Variants in ANO4 observed in about 807,000 individuals in gnomAD.
ANO4 encodes the protein anoctamin 4.
In ANO4, 69 loss-of-function variants were observed where a neutral mutation model predicts 141.9. The observed-to-expected ratio is 0.49, with a 90% confidence interval of 0.40 to 0.59. The LOEUF is 0.59. Ranked by LOEUF, ANO4 falls within the 20% of genes least tolerant of loss-of-function variation. The probability of loss-of-function intolerance (pLI) is 0.00; values close to 1 mark genes in which losing one functional copy is unlikely to be tolerated. For synonymous variants in ANO4, 350 were observed against 394.3 expected, an observed-to-expected ratio of 0.89 and a Z score of 1.33; for missense variants, 894 against 1,162.2, an observed-to-expected ratio of 0.77 and a Z score of 3.36.
intron 17 of ANO4, 25 bp downstream of exon 17, chr12:101,086,849 A>C (rs774968165): frequency 6.2e-7 from 1 of 1,607,684 alleles, no homozygotes; most frequent in African/African-American, 1.3e-5. Flanking sequence ...GTGGCTAGCC[A>C]AACGGATCAA....
intron 5 of ANO4, among the ~76,000 whole-genome samples, chr12:100,962,098 A>C (rs2136237932): frequency 6.6e-6 from 1 of 152,318 alleles, no homozygotes; most frequent in South Asian, 2.1e-4. Flanking sequence ...ACATCTCCTA[A>C]TTGTGGCCTA....
chr12:100,907,468 C>G (rs914232432), intron 2 of ANO4, among the ~76,000 whole-genome samples: 1 of 152,190 alleles, frequency 6.6e-6, no homozygotes, highest in African/African-American at 2.4e-5. Context: ...AACTTAGAAG[C>G]CTTATCAAAG....
intron 3 of ANO4, among the ~76,000 whole-genome samples, chr12:100,755,218 T>C (rs183509021): frequency 6.6e-6 from 1 of 152,300 alleles, no homozygotes; most frequent in Non-Finnish European, 1.5e-5. Flanking sequence ...GCATTCCAGC[T>C]CTTCCTGGTG....
intron 1 of ANO4, among the ~76,000 whole-genome samples, chr12:100,897,334 C>T (rs956598799): frequency 7.2e-5 from 11 of 152,226 alleles, no homozygotes; most frequent in African/African-American, 2.6e-4. Flanking sequence ...CCTCAGGGAG[C>T]CTAGGAAAGA....
exon 1 of ANO4, chr12:100,717,526 A>G (rs978983787): frequency 1.0e-5 from 4 of 399,020 alleles, no homozygotes; most frequent in Non-Finnish European, 1.8e-5. Flanking sequence ...GCGGGCCAGG[A>G]TGGCCTCCCT....
chr12:101,119,349 A>G (rs1269498966), intron 25 of ANO4, among the ~76,000 whole-genome samples: 2 of 152,118 alleles, frequency 1.3e-5, no homozygotes, highest in South Asian at 2.1e-4. Flanking sequence ...AGTCCCAGCT[A>G]CTTGGGAGGT....
chr12:101,091,527 T>A (rs1012172126), intron 17 of ANO4, among the ~76,000 whole-genome samples: 2 of 152,180 alleles, frequency 1.3e-5, no homozygotes, highest in Admixed American at 1.3e-4. Flanking sequence ...CTAAAGGTTG[T>A]AATATAGCTT....
intron 14 of ANO4, among the ~76,000 whole-genome samples, chr12:101,073,831 T>C (rs1405963514): frequency 6.6e-6 from 1 of 152,170 alleles, no homozygotes; most frequent in Admixed American, 6.5e-5. Flanking sequence ...CTATTTGGGA[T>C]TGGCATTATT....
intron 2 of ANO4, among the ~76,000 whole-genome samples, chr12:100,915,124 C>T (rs2041279253): frequency 6.6e-6 from 1 of 152,006 alleles, no homozygotes; most frequent in African/African-American, 2.4e-5. Context: ...CCCAGCCTTC[C>T]CTTCTTTCTT....
intron 8 of ANO4, among the ~76,000 whole-genome samples, chr12:100,996,272 G>A (rs1029968041): frequency 2.0e-5 from 3 of 152,198 alleles, no homozygotes; most frequent in African/African-American, 7.2e-5. Context: ...CTTCTATGCT[G>A]TGAGCTAGGG....
At chr12:100,889,766 T>C (rs1413627230) in intron 1 of ANO4, among the ~76,000 whole-genome samples, 1 of 152,124 alleles carries the variant, frequency 6.6e-6, no homozygotes, top group African/African-American at 2.4e-5. Context: ...TGTGGAGAAA[T>C]AGGAACACTT....
At chr12:100,774,250 C>A (rs1458701581) in intron 3 of ANO4, among the ~76,000 whole-genome samples, 2 of 152,092 alleles carry the variant, frequency 1.3e-5, no homozygotes, top group African/African-American at 2.4e-5. Context: ...TTATAACATT[C>A]AAAAATATTA....
intron 19 of ANO4, among the ~76,000 whole-genome samples, 200 bp from the exon 20 acceptor site, chr12:101,097,451 A>G (rs2050030609): frequency 6.6e-6 from 1 of 152,214 alleles, no homozygotes; most frequent in South Asian, 2.1e-4. Flanking sequence ...GCAGCCTGAC[A>G]GAAAGGCCAG....
At position 101,077,469 on chromosome 12, in the gene ANO4, G is replaced by A. The variant is rs188541530; in HGVS notation, c.1313-1724G>A. On this transcript the variant is annotated intron_variant, in intron 14 of 27. Transcript: ENST00000392977. ...CCTGAGACAGCAAGACTCACTGGAA[G>A]GACTCCAGTAGAAAACAGCTGCTCA... Among the ~76,000 whole-genome samples the A allele has an allele frequency of 3.3e-5, 5 of 152,256 alleles. No homozygotes were observed. In the East Asian group the frequency reaches 9.6e-4, roughly 29 times the overall value.
rs534802014 is a variant in ANO4 at position 101,007,613 on chromosome 12, C to A, written c.735-12421C>A. On this transcript the variant is annotated intron_variant, in intron 8 of 27. Coordinates refer to ENST00000392977, the MANE Select transcript of ANO4 (RefSeq NM_001286615.2). ...CCAGGTTTGTTTTTTCTTTAACCAA[C>A]AAAGTAGATATTATTGTATTCCTTC... 1.3e-3 allele frequency among the ~76,000 whole-genome samples: 199 copies of A among 152,252 alleles called. 1 individual carries two copies. The highest frequency in any genetic ancestry group is 4.3e-3 in the African/African-American group (179 of 41,540).
intron 1 of ANO4, among the ~76,000 whole-genome samples, chr12:100,824,744 C>T (rs760971651): frequency 3.3e-5 from 5 of 152,008 alleles, no homozygotes; most frequent in Admixed American, 2.6e-4. Flanking sequence ...ATGTTTACTT[C>T]GCAGAGGAAA....
intron 3 of ANO4, among the ~76,000 whole-genome samples, chr12:100,789,012 GGT>G (rs982906267): frequency 5.3e-5 from 8 of 152,080 alleles, no homozygotes; most frequent in Non-Finnish European, 5.9e-5. Context: ...GAATGATCTT[GGT>G]GAGTTCAAGA....
chr12:100,789,329 C>T (rs2033968939), intron 3 of ANO4, among the ~76,000 whole-genome samples: 1 of 152,176 alleles, frequency 6.6e-6, no homozygotes, highest in African/African-American at 2.4e-5. Context: ...ACCAGCAGGA[C>T]TGAAGCAAGG....
chr12:100,893,520 C>T (rs1365461525), intron 1 of ANO4, among the ~76,000 whole-genome samples: 1 of 151,920 alleles, frequency 6.6e-6, no homozygotes, highest in Non-Finnish European at 1.5e-5. Context: ...CCTTCTGGGA[C>T]CCATGGCTAG....
Sources: allele counts gnomAD v4.1 joint callset (sites outside exome capture counted in the v4.1 genomes callset), GRCh38; gene constraint gnomAD v4.1.1; transcripts MANE v1.5; gene names NCBI Gene and HGNC (gene_info 2026-07-23, HGNC 2026-07-21).